Variants in UBTD1 observed in about 807,000 individuals in gnomAD.
UBTD1 encodes ubiquitin domain-containing protein 1.
UBTD1 carries 19 observed loss-of-function variants against 21.7 expected under a neutral mutation model. That is an observed-to-expected ratio of 0.87 (90% CI 0.61 to 1.28). The LOEUF (loss-of-function observed/expected upper bound fraction) is 1.28. Among genes scored for constraint, UBTD1 ranks in the 50% most tolerant of loss-of-function variants. The pLI, the probability that UBTD1 is intolerant of heterozygous loss-of-function variation, is 0.00. For missense variants in UBTD1, 282 were observed against 315.1 expected, an observed-to-expected ratio of 0.89 and a Z score of 0.80; for synonymous variants, 116 against 135.1, an observed-to-expected ratio of 0.86 and a Z score of 0.98.
rs746870835 is a variant in UBTD1 at position 97,570,566 on chromosome 10, A to G, written c.*43A>G. 28 of 1,550,176 alleles carry G rather than the reference A, an allele frequency of 1.8e-5. No individual in the cohort carries two copies. In the South Asian group the frequency reaches 3.1e-4, roughly 17 times the overall value. On this transcript the variant is annotated 3_prime_UTR_variant, in exon 3 of 3. Transcript: ENST00000370664. The surrounding 1 kb of genome is among the most constrained non-coding windows in gnomAD (Gnocchi z 6.6). Reference sequence around the variant, plus strand: ...GGGAAGAGGCCCCGCCTGGAGCACTAGGCCCCCACCCTGCTGCTGCCTTCC... The same window carrying G: ...GGGAAGAGGCCCCGCCTGGAGCACTGGGCCCCCACCCTGCTGCTGCCTTCC...
intron 1 of UBTD1, among the ~76,000 whole-genome samples, chr10:97,548,405 G>C (rs1213782776): frequency 6.6e-6 from 1 of 152,214 alleles, no homozygotes; most frequent in Non-Finnish European, 1.5e-5. Flanking sequence ...AACAAGGGAA[G>C]TGCGGTAATT....
chr10:97,550,468 C>T (rs1259995982), intron 1 of UBTD1, among the ~76,000 whole-genome samples: 4 of 152,108 alleles, frequency 2.6e-5, no homozygotes, highest in Non-Finnish European at 5.9e-5. Context: ...GGGGCCAGCC[C>T]GCTGCAGACC....
At chr10:97,520,124 A>G (rs982272880) in intron 1 of UBTD1, among the ~76,000 whole-genome samples, 22 of 152,200 alleles carry the variant, frequency 1.4e-4, no homozygotes, top group Non-Finnish European at 2.2e-4. Flanking sequence ...CATCTGTTAC[A>G]TAGATGGTGG....
Position 97,567,984 on chromosome 10 carries a change from G to C in UBTD1, c.141G>C (p.Leu47=). The C allele has an allele frequency of 3.1e-6, 5 of 1,614,174 alleles. No individual in the cohort carries two copies. The highest frequency in any genetic ancestry group is 4.2e-6 in the Non-Finnish European group (5 of 1,180,046). ...KSDYPMTDGQ[L]RSKRDEFWDT... is the part of the protein sequence containing the mutation. The stretch of plus-strand genomic sequence containing the variant: ...ACTACCCCATGACTGACGGGCAGCT[G>C]CGGAGCAAACGGGATGAGTTCTGGG... Residue 47 remains leucine (L), a synonymous_variant, in exon 2 of 3, where the codon CTG becomes CTC. Coordinates refer to ENST00000370664, the MANE Select transcript of UBTD1 (RefSeq NM_024954.5).
intron 1 of UBTD1, among the ~76,000 whole-genome samples, chr10:97,532,798 A>AAG (rs2040539112): frequency 1.3e-5 from 2 of 148,918 alleles, no homozygotes; most frequent in Non-Finnish European, 3.0e-5. Context: ...CTCAAAAAAA[A>AAG]AAAGAAAGAA....
chr10:97,553,784 A>C (rs1217976893), intron 1 of UBTD1, among the ~76,000 whole-genome samples: 4 of 152,126 alleles, frequency 2.6e-5, no homozygotes, highest in African/African-American at 9.7e-5. Context: ...CCCCCTCACC[A>C]GCCCATTGTA....
chr10:97,534,220 C>T (rs2040548028), intron 1 of UBTD1, among the ~76,000 whole-genome samples: 2 of 152,214 alleles, frequency 1.3e-5, no homozygotes, highest in Admixed American at 1.3e-4. Flanking sequence ...GCTCTCACCA[C>T]CTCCCATGTG....
chr10:97,499,132 G>T lies in UBTD1; in HGVS notation c.-72G>T. 6.8e-7 allele frequency: 1 copy of T among 1,469,030 alleles called. No homozygotes were observed. 91.0% of individuals were successfully genotyped at this position (1,469,030 alleles called of 1,614,324 possible). A position where few individuals can be genotyped will look rare whatever the true frequency, so the allele number is the denominator to read the frequency against. ...CCGGGCGGCCGGAGCCATTGACCCG[G>T]GACGCCGCCGTCCGCTGAGCAGCCG... On this transcript the variant is annotated 5_prime_UTR_variant, in exon 1 of 3. Coordinates refer to ENST00000370664, the MANE Select transcript of UBTD1 (RefSeq NM_024954.5).
In UBTD1 at chr10:97,563,244, A is replaced by G. The variant is rs143012823; in HGVS notation, c.71-4670A>G. On this transcript the variant is annotated intron_variant, in intron 1 of 2. Transcript: ENST00000370664. Reference sequence around the variant, plus strand: ...GTGTCCAAGGGGGTTCAGCGTAATTATTTGCTTGGTTGGCGAGTTTTTGGG... The same window carrying G: ...GTGTCCAAGGGGGTTCAGCGTAATTGTTTGCTTGGTTGGCGAGTTTTTGGG... 4.2e-3 allele frequency among the ~76,000 whole-genome samples: 638 copies of G among 152,220 alleles called. 2 individuals carry two copies. The highest frequency in any genetic ancestry group is 0.014 in the African/African-American group (592 of 41,536).
intron 1 of UBTD1, among the ~76,000 whole-genome samples, chr10:97,519,058 C>G (rs1467608153): frequency 2.0e-5 from 3 of 152,230 alleles, no homozygotes; most frequent in Non-Finnish European, 4.4e-5. Context: ...AGGGCACTCT[C>G]CTAATCACTA....
At chr10:97,547,301 G>T (rs1456454988) in intron 1 of UBTD1, among the ~76,000 whole-genome samples, 1 of 152,178 alleles carries the variant, frequency 6.6e-6, no homozygotes, top group Non-Finnish European at 1.5e-5. Context: ...TCCCCTTCCT[G>T]GAGTCCTGAG....
At chr10:97,517,501 C>T (rs1394444223) in intron 1 of UBTD1, among the ~76,000 whole-genome samples, 1 of 152,148 alleles carries the variant, frequency 6.6e-6, no homozygotes, top group Non-Finnish European at 1.5e-5. Flanking sequence ...CTGCCCAGTC[C>T]CCTTGCCGAG....
At chr10:97,555,330 A>C (rs1307532029) in intron 1 of UBTD1, among the ~76,000 whole-genome samples, 1 of 152,208 alleles carries the variant, frequency 6.6e-6, no homozygotes, top group African/African-American at 2.4e-5. Context: ...AAATATCTAG[A>C]TGAAATTGTA....
chr10:97,531,196 T>A (rs564663639), intron 1 of UBTD1, among the ~76,000 whole-genome samples: 18 of 149,612 alleles, frequency 1.2e-4, no homozygotes, highest in South Asian at 6.4e-4. Context: ...CTATTTTTTT[T>A]AAATTTAACA....
chr10:97,508,985 T>C (rs139453481), intron 1 of UBTD1, among the ~76,000 whole-genome samples: 7 of 152,344 alleles, frequency 4.6e-5, no homozygotes, highest in African/African-American at 1.4e-4. Context: ...TCTGCAAACT[T>C]TGAATTATTC....
chr10:97,531,713 G>C (rs1033097827), intron 1 of UBTD1, among the ~76,000 whole-genome samples: 2 of 152,136 alleles, frequency 1.3e-5, no homozygotes, highest in Non-Finnish European at 2.9e-5. Flanking sequence ...CTGACCCTCT[G>C]GCCCTTTCTG....
At chr10:97,538,987 C>T (rs956676834) in intron 1 of UBTD1, among the ~76,000 whole-genome samples, 2 of 152,144 alleles carry the variant, frequency 1.3e-5, no homozygotes, top group Non-Finnish European at 2.9e-5. Context: ...AGAAGACCTG[C>T]GCAGATCACA....
intron 1 of UBTD1, among the ~76,000 whole-genome samples, chr10:97,516,522 T>C (rs1163324822): frequency 6.6e-6 from 1 of 152,066 alleles, no homozygotes; most frequent in Non-Finnish European, 1.5e-5. Flanking sequence ...ATGCCTGTAA[T>C]CCCAGCACTT....
intron 1 of UBTD1, among the ~76,000 whole-genome samples, chr10:97,512,277 A>G (rs1346549575): frequency 6.6e-6 from 1 of 152,182 alleles, no homozygotes; most frequent in Non-Finnish European, 1.5e-5. Flanking sequence ...CTGAGGAGGC[A>G]GTTCCCGGGG....
Sources: gnomAD v4.1 joint callset for allele counts (sites outside exome capture counted in the v4.1 genomes callset) on GRCh38, gnomAD v4.1.1 for gene constraint, Gnocchi (gnomAD v3.1) non-coding constraint, MANE v1.5 for transcripts, NCBI Gene and HGNC (gene_info 2026-07-23, HGNC 2026-07-21) for gene names.